POU2F2: variants seen among roughly 807,000 people sequenced by gnomAD.
POU2F2 encodes POU domain, class 2, transcription factor 2.
Under a neutral mutation model 63.5 loss-of-function variants are expected in POU2F2, and 14 were observed. That is an observed-to-expected ratio of 0.22 (90% CI 0.15 to 0.34). POU2F2 has a LOEUF of 0.34. Ranked by LOEUF, POU2F2 falls within the 10% of genes least tolerant of loss-of-function variation. The probability of loss-of-function intolerance (pLI) is 1.00; values close to 1 mark genes in which losing one functional copy is unlikely to be tolerated. For synonymous variants in POU2F2, 306 were observed against 348.6 expected (o/e 0.88, Z 1.36); for missense variants, 607 against 815.2 (o/e 0.74, Z 3.11).
Position 42,096,388 on chromosome 19 carries a change from C to G in POU2F2, c.568-145G>C. The G allele has an allele frequency of 1.2e-6, 1 of 853,758 alleles. No individual in the cohort carries two copies. Among genetic ancestry groups the G allele is most frequent in the South Asian group, 1.8e-5 (1 of 56,150 alleles). The allele number at this position is 853,758 out of a possible 1,614,324, so 52.9% of individuals were successfully genotyped here. On this transcript the variant is annotated intron_variant, in intron 7 of 14. Transcript: ENST00000692977. This position sits in a 1 kb window ranked among gnomAD's most constrained non-coding sequence, Gnocchi z 4.1. ...TCCCCCCGCCTTCCTCCACAAGCAC[C>G]GTCAATCCCTTTAAAGGTCCCTCCA...
chr19:42,100,959 C>G (rs923431984), intron 5 of POU2F2, among the ~76,000 whole-genome samples: 1 of 151,266 alleles, frequency 6.6e-6, no homozygotes, highest in Admixed American at 6.6e-5. Flanking sequence ...ATTAGCCAGG[C>G]ATGGTGGCAC....
At chr19:42,129,672 G>A (rs2033528983) in intron 1 of POU2F2, among the ~76,000 whole-genome samples, 1 of 152,160 alleles carries the variant, frequency 6.6e-6, no homozygotes, top group Non-Finnish European at 1.5e-5. Flanking sequence ...CTGTGGGCAG[G>A]TTGGTGCTGC....
At position 42,096,325 on chromosome 19, in the gene POU2F2, C is replaced by T. The variant is rs1327767163; in HGVS notation, c.568-82G>A. 14 of 1,344,388 alleles carry T rather than the reference C, an allele frequency of 1.0e-5. No individual in the cohort carries two copies. The highest frequency in any genetic ancestry group is 1.4e-5 in the Non-Finnish European group (14 of 1,010,802). The allele number at this position is 1,344,388 out of a possible 1,614,324, so 83.3% of individuals were successfully genotyped here. A position where few individuals can be genotyped will look rare whatever the true frequency, so the allele number is the denominator to read the frequency against. ...CGATGGGTGCACAGTCCCCCTCCCG[C>T]CCTCTTCGCCCCTGCGTTCCATCCG... is the stretch of plus-strand genomic sequence containing the variant. On this transcript the variant is annotated intron_variant, in intron 7 of 14. Transcript: ENST00000692977. This position sits in a 1 kb window ranked among gnomAD's most constrained non-coding sequence, Gnocchi z 4.1.
In POU2F2 at chr19:42,091,930, C is replaced by A; in HGVS notation, c.1477G>T (p.Val493Leu). 1 of 1,541,550 alleles carries A rather than the reference C, an allele frequency of 6.5e-7. No individual in the cohort carries two copies. ...GGACTCAGCCCGGAGCTCAACCCCA[C>A]CATTGTGCTTCTGCAAGAGGCAAAG... ...GLNPSTGSTM[V>L]GLSSGLSPAL... Residue 493 changes from valine (V) to leucine (L), a missense_variant, in exon 14 of 15, where the codon GTG becomes TTG. By Grantham distance (32) the Val-to-Leu change is conservative. Transcript: ENST00000692977.
chr19:42,184,933 A>T (rs1214362776), intron 1 of POU2F2, among the ~76,000 whole-genome samples: 1 of 151,990 alleles, frequency 6.6e-6, no homozygotes, highest in Non-Finnish European at 1.5e-5. Flanking sequence ...CAAAATCAAC[A>T]TGTCTAATCT....
upstream of POU2F2, among the ~76,000 whole-genome samples, chr19:42,180,218 C>T (rs1437239279): frequency 1.3e-5 from 2 of 152,192 alleles, no homozygotes; most frequent in African/African-American, 2.4e-5. Context: ...GCCTACAAAG[C>T]TGGCACACCA....
chr19:42,139,056 C>T (rs1487033276), intron 2 of POU2F2, among the ~76,000 whole-genome samples: 1 of 152,198 alleles, frequency 6.6e-6, no homozygotes, highest in East Asian at 1.9e-4. Flanking sequence ...GTGGCTCACA[C>T]CTGTAATCCC....
chr19:42,171,809 C>T (rs978196475), intron 1 of POU2F2, among the ~76,000 whole-genome samples: 1 of 152,038 alleles, frequency 6.6e-6, no homozygotes, highest in African/African-American at 2.4e-5. Context: ...CTAAAGTAAC[C>T]CCCAACCTTG....
intron 2 of POU2F2, among the ~76,000 whole-genome samples, chr19:42,149,073 A>C (rs1449490816): frequency 6.6e-6 from 1 of 152,114 alleles, no homozygotes; most frequent in Non-Finnish European, 1.5e-5. Flanking sequence ...TCCTGCCCTC[A>C]ACTCCCTCCC....
intron 1 of POU2F2, among the ~76,000 whole-genome samples, chr19:42,189,095 G>C (rs549714894): frequency 6.6e-6 from 1 of 152,294 alleles, no homozygotes; most frequent in East Asian, 1.9e-4. Flanking sequence ...CAAGCTCAAT[G>C]TGAGTGGTTT....
chr19:42,091,070 C>G lies in POU2F2; in HGVS notation c.*187G>C. 1.2e-5 allele frequency: 5 copies of G among 413,078 alleles called. No individual in the cohort carries two copies. Among genetic ancestry groups the G allele is most frequent in the Non-Finnish European group, 1.1e-5 (3 of 261,316 alleles). 25.6% of individuals were successfully genotyped at this position (413,078 alleles called of 1,614,324 possible). A position where few individuals can be genotyped will look rare whatever the true frequency, so the allele number is the denominator to read the frequency against. On this transcript the variant is annotated 3_prime_UTR_variant, in exon 15 of 15. Transcript: ENST00000692977. ...TTCTGTTGTGATTATTTTTGGTTTT[C>G]TCTTTTGTTGGTTAGTTTCTTTCCT...
At chr19:42,190,811 C>T (rs1361115975) in intron 1 of POU2F2, among the ~76,000 whole-genome samples, 1 of 152,122 alleles carries the variant, frequency 6.6e-6, no homozygotes, top group African/African-American at 2.4e-5. Flanking sequence ...AACGTCGAGG[C>T]ATACCTGGTA....
At chr19:42,159,995 G>A (rs768741480) in intron 2 of POU2F2, among the ~76,000 whole-genome samples, 1 of 152,120 alleles carries the variant, frequency 6.6e-6, no homozygotes, top group African/African-American at 2.4e-5. Context: ...CAAGTCCCTC[G>A]AAGTCAGGAA....
At chr19:42,190,171 A>G (rs2035060529) in intron 1 of POU2F2, among the ~76,000 whole-genome samples, 1 of 152,152 alleles carries the variant, frequency 6.6e-6, no homozygotes, top group Admixed American at 6.5e-5. Context: ...TCATGCTGGG[A>G]TGAGCAATAC....
intron 12 of POU2F2, 54 bp downstream of exon 12, chr19:42,093,775 C>T (rs762001370): frequency 1.3e-6 from 2 of 1,551,928 alleles, no homozygotes; most frequent in Non-Finnish European, 1.8e-6. Context: ...CCTCAGGCTC[C>T]AGCCTGTGCC....
chr19:42,160,141 T>C (rs991598275), intron 2 of POU2F2, among the ~76,000 whole-genome samples: 1 of 152,004 alleles, frequency 6.6e-6, no homozygotes, highest in East Asian at 1.9e-4. Flanking sequence ...AACCACTGGT[T>C]TGGCCCGAAA....
intron 5 of POU2F2, among the ~76,000 whole-genome samples, chr19:42,111,662 C>T (rs2031113356): frequency 6.6e-6 from 1 of 152,178 alleles, no homozygotes; most frequent in Admixed American, 6.5e-5. Context: ...AAGCCAAAAT[C>T]CTAGGAGTCA....
rs1185265577 is a variant in POU2F2 at position 42,169,868 on chromosome 19, C to G, written c.-70+6095G>C. Among the ~76,000 whole-genome samples, 3 of 152,062 alleles carry G rather than the reference C, an allele frequency of 2.0e-5. No individual in the cohort carries two copies. The highest frequency in any genetic ancestry group is 4.4e-5 in the Non-Finnish European group (3 of 68,016). On this transcript the variant is annotated intron_variant, in intron 1 of 6. Transcript: ENST00000524801. The surrounding 1 kb of genome is among the most constrained non-coding windows in gnomAD (Gnocchi z 4.3). ...CTGGATGAGTACCTTTTCTCTGTCT[C>G]TCTCTCTCTCACACACACACCCTTG...
intron 5 of POU2F2, among the ~76,000 whole-genome samples, chr19:42,113,426 C>T (rs1165940576): frequency 1.3e-5 from 2 of 152,188 alleles, no homozygotes; most frequent in Non-Finnish European, 1.5e-5. Context: ...TATAATTGCC[C>T]CTTCGTCTGT....
Sources: allele counts gnomAD v4.1 joint callset (sites outside exome capture counted in the v4.1 genomes callset), GRCh38; gene constraint gnomAD v4.1.1; non-coding constraint Gnocchi (gnomAD v3.1); transcripts MANE v1.5; gene names NCBI Gene and HGNC (gene_info 2026-07-23, HGNC 2026-07-21).